BEND4: variants seen among roughly 807,000 people sequenced by gnomAD.
BEND4 encodes BEN domain-containing protein 4.
A neutral mutation model predicts 54.7 loss-of-function variants in BEND4; 27 were observed. That is an observed-to-expected ratio of 0.49 (90% CI 0.36 to 0.68). BEND4 has a LOEUF of 0.68. BEND4 is among the 30% of genes least tolerant of loss of function. The pLI is 0.00. For synonymous variants in BEND4, 327 were observed against 299.5 expected, an observed-to-expected ratio of 1.09 and a Z score of -0.95; for missense variants, 702 against 697.2, an observed-to-expected ratio of 1.01 and a Z score of -0.08.
chr4:42,149,512 T>G (rs1020485566), intron 2 of BEND4, among the ~76,000 whole-genome samples: 15 of 152,144 alleles, frequency 9.9e-5, no homozygotes, highest in African/African-American at 3.6e-4. Flanking sequence ...CTATCAAGCT[T>G]ACCCCTCTCT....
At chr4:42,149,289 C>G (rs4501255) in intron 2 of BEND4, among the ~76,000 whole-genome samples, 52,212 of 147,150 alleles carry the variant, frequency 0.35, 12,322 homozygotes, top group African/African-American at 0.69. Flanking sequence ...GAGAACCAAT[C>G]AGCTCTTCAG....
chr4:42,127,131 C>T (rs1194312753), intron 3 of BEND4, among the ~76,000 whole-genome samples: 1 of 152,162 alleles, frequency 6.6e-6, no homozygotes, highest in African/African-American at 2.4e-5. Flanking sequence ...AATATAATAG[C>T]TTTGGATTTT....
intron 2 of BEND4, among the ~76,000 whole-genome samples, chr4:42,145,516 A>T (rs1426181403): frequency 3.3e-5 from 5 of 151,830 alleles, no homozygotes; most frequent in Non-Finnish European, 7.4e-5. Flanking sequence ...ACACGGTGAA[A>T]CCCCGTCTCT....
At chr4:42,144,089 A>G (rs1422370637) in intron 2 of BEND4, 95 bp from the exon 3 acceptor site, 1 of 870,092 alleles carries the variant, frequency 1.1e-6, no homozygotes, top group African/African-American at 1.7e-5. Context: ...AACATGTTAA[A>G]AATATGTATT....
At chr4:42,121,300 G>A (rs986052477) in intron 4 of BEND4, among the ~76,000 whole-genome samples, 9 of 152,182 alleles carry the variant, frequency 5.9e-5, no homozygotes, top group Non-Finnish European at 8.8e-5. Context: ...GAACCAACAA[G>A]AGGGAGGCAG....
intron 3 of BEND4, among the ~76,000 whole-genome samples, chr4:42,129,124 C>T (rs890098456): frequency 2.0e-5 from 3 of 152,088 alleles, no homozygotes; most frequent in Non-Finnish European, 4.4e-5. Context: ...AACAAGCATT[C>T]CTATACACCA....
chr4:42,151,451 G>GGC (rs1434729310), intron 2 of BEND4: 3 of 411,396 alleles, frequency 7.3e-6, no homozygotes, highest in African/African-American at 6.2e-5. Flanking sequence ...CCACCTGTTA[G>GGC]GCGCGCGCCG....
At chr4:42,150,359 TCAAA>T (rs35946536) in intron 2 of BEND4, among the ~76,000 whole-genome samples, 52,915 of 151,674 alleles carry the variant, frequency 0.35, 12,750 homozygotes, top group African/African-American at 0.7. Flanking sequence ...CTGAAAGCAA[TCAAA>T]CATCTTCAAA....
At chr4:42,133,065 G>T (rs1433085788) in intron 3 of BEND4, among the ~76,000 whole-genome samples, 1 of 152,168 alleles carries the variant, frequency 6.6e-6, no homozygotes, top group African/African-American at 2.4e-5. Flanking sequence ...AAGGAAATAA[G>T]GAAGGTCTTT....
At chr4:42,152,419 A>C in intron 1 of BEND4, 43 bp from the exon 2 acceptor site, 5 of 193,844 alleles carry the variant, frequency 2.6e-5, no homozygotes, top group East Asian at 1.2e-4. Context: ...TTAGGGTAAT[A>C]TCTGCTAATG....
chr4:42,138,868 C>T (rs891713856), intron 3 of BEND4, among the ~76,000 whole-genome samples: 1 of 152,136 alleles, frequency 6.6e-6, no homozygotes, highest in Admixed American at 6.5e-5. Flanking sequence ...CATTTAGTAT[C>T]TATGGACTTT....
rs1249604390 is a variant in BEND4 at position 42,112,643 on chromosome 4, C to A, written c.*4875G>T. 1 of 152,124 alleles carries A rather than the reference C, an allele frequency of 6.6e-6. No homozygotes were observed. Among genetic ancestry groups the A allele is most frequent in the East Asian group, 1.9e-4 (1 of 5,198 alleles). 9.4% of individuals were successfully genotyped at this position (152,124 alleles called of 1,614,324 possible). A position where few individuals can be genotyped will look rare whatever the true frequency, so the allele number is the denominator to read the frequency against. On this transcript the variant is annotated 3_prime_UTR_variant, in exon 6 of 6. Transcript: ENST00000502486. ...TAGTGCCTTCAGAAGTCAAATTAAC[C>A]AAGCTGGTCATCAGATGAGGGAAGT...
chr4:42,152,263 G>A lies in BEND4; in HGVS notation c.-120C>T. 1 of 1,067,692 alleles carries A rather than the reference G, an allele frequency of 9.4e-7. No homozygotes were observed. The highest frequency in any genetic ancestry group is 1.2e-6 in the Non-Finnish European group (1 of 842,980). 66.1% of individuals were successfully genotyped at this position (1,067,692 alleles called of 1,614,324 possible). A position where few individuals can be genotyped will look rare whatever the true frequency, so the allele number is the denominator to read the frequency against. On this transcript the variant is annotated 5_prime_UTR_variant, in exon 2 of 6. Transcript: ENST00000502486. ...CTGGTGCGCGCGTGTGGGAGGGTGT[G>A]TGTCTGTGCCGTGGCCGCCGCCGCC...
At chr4:42,133,856 AAAAC>A (rs1013316000) in intron 3 of BEND4, among the ~76,000 whole-genome samples, 14 of 152,342 alleles carry the variant, frequency 9.2e-5, no homozygotes, top group East Asian at 7.7e-4. Context: ...TTCGTCTCAA[AAAAC>A]AAACAAACAA....
intron 4 of BEND4, among the ~76,000 whole-genome samples, chr4:42,125,090 T>C (rs887735532): frequency 1.3e-5 from 2 of 152,214 alleles, no homozygotes; most frequent in African/African-American, 4.8e-5. Flanking sequence ...TTATTACTAT[T>C]AAAACACACC....
Position 42,151,977 on chromosome 4 carries a change from G to C in BEND4, c.167C>G (p.Pro56Arg). Residue 56 changes from proline (P) to arginine (R), a missense_variant, in exon 2 of 6, where the codon CCG becomes CGG. By Grantham distance (103) the Pro-to-Arg change is moderately radical. Coordinates refer to ENST00000502486, the MANE Select transcript of BEND4 (RefSeq NM_207406.4). ...LVELPHVRAP[P>R]PPPPPFAPHA... ...CGGCGCGAAGGGCGGCGGGGGCGGCGGGGGCGCCCGCACGTGCGGCAGCTC... is the reference window on the plus strand; with the variant it reads ...CGGCGCGAAGGGCGGCGGGGGCGGCCGGGGCGCCCGCACGTGCGGCAGCTC... 1 of 1,251,764 alleles carries C rather than the reference G, an allele frequency of 8.0e-7. No homozygotes were observed. 77.5% of individuals were successfully genotyped at this position (1,251,764 alleles called of 1,614,324 possible).
At chr4:42,141,547 T>G (rs547843755) in intron 3 of BEND4, among the ~76,000 whole-genome samples, 99 of 152,094 alleles carry the variant, frequency 6.5e-4, no homozygotes, top group African/African-American at 2.3e-3. Flanking sequence ...GCCTGGCCAA[T>G]GTGGCGAAAC....
In BEND4 at chr4:42,152,606, A is replaced by G. The variant is rs1721351211; in HGVS notation, c.-308T>C. ...CTACGGCGAGACTTTAGAGACCCAG[A>G]TGTGGACTCGAGGCTTCTGCGGCTG... is the stretch of plus-strand genomic sequence containing the variant. On this transcript the variant is annotated 5_prime_UTR_variant, in exon 1 of 6. Coordinates refer to ENST00000502486, the MANE Select transcript of BEND4 (RefSeq NM_207406.4). 1 of 153,952 alleles carries G rather than the reference A, an allele frequency of 6.5e-6. No individual in the cohort carries two copies. Among genetic ancestry groups the G allele is most frequent in the South Asian group, 2.0e-4 (1 of 4,882 alleles). 9.5% of individuals were successfully genotyped at this position (153,952 alleles called of 1,614,324 possible). A position where few individuals can be genotyped will look rare whatever the true frequency, so the allele number is the denominator to read the frequency against.
At chr4:42,150,970 C>G (rs902375341) in intron 2 of BEND4, 10 of 152,162 alleles carry the variant, frequency 6.6e-5, no homozygotes, top group Admixed American at 3.9e-4. Flanking sequence ...GAAGGAGGGG[C>G]GGGATGGTTC....
Sources: allele counts gnomAD v4.1 joint callset (sites outside exome capture counted in the v4.1 genomes callset), GRCh38; gene constraint gnomAD v4.1.1; transcripts MANE v1.5; gene names NCBI Gene and HGNC (gene_info 2026-07-23, HGNC 2026-07-21).